Variants in DAB1 observed in about 807,000 individuals in gnomAD.
The protein encoded by DAB1 is DAB adaptor protein 1.
DAB1 carries 15 observed loss-of-function variants against 64.6 expected under a neutral mutation model. The ratio of observed to expected loss-of-function variants is 0.23; its 90% CI spans 0.16 to 0.36. The LOEUF is 0.36. Ranked by LOEUF, DAB1 falls within the 10% of genes least tolerant of loss-of-function variation. DAB1 has a pLI of 1.00. For synonymous variants in DAB1, 235 were observed against 251.9 expected (o/e 0.93, Z 0.64); for missense variants, 596 against 706.7 (o/e 0.84, Z 1.78).
chr1:57,976,202 T>C (rs1203585459), intron 5 of DAB1, among the ~76,000 whole-genome samples: 2 of 152,134 alleles, frequency 1.3e-5, no homozygotes, highest in Non-Finnish European at 2.9e-5. Context: ...ACTCTGAAAG[T>C]TGGGTCAGAA....
intron 2 of DAB1, among the ~76,000 whole-genome samples, chr1:57,253,131 G>A (rs1441084992): frequency 2.6e-5 from 4 of 152,286 alleles, no homozygotes; most frequent in South Asian, 2.1e-4. Context: ...CTTCTGCTTC[G>A]GGATCTGCAT....
chr1:57,384,381 A>G (rs1272083979), intron 1 of DAB1, among the ~76,000 whole-genome samples: 1 of 152,210 alleles, frequency 6.6e-6, no homozygotes, highest in African/African-American at 2.4e-5. Context: ...TAGAATTACC[A>G]TATTATTCAG....
chr1:57,029,524 C>T (rs562069435), intron 9 of DAB1, among the ~76,000 whole-genome samples: 37 of 151,682 alleles, frequency 2.4e-4, no homozygotes, highest in African/African-American at 9.0e-4. Flanking sequence ...TAGCTTGTAC[C>T]ATGAGCCTGG....
At chr1:57,206,534 T>C (rs1027410869) in intron 2 of DAB1, among the ~76,000 whole-genome samples, 39 of 152,254 alleles carry the variant, frequency 2.6e-4, no homozygotes, top group Admixed American at 2.6e-4. Flanking sequence ...GCCTCCTCGC[T>C]GTCTCTTCCC....
rs1011729365 is a variant in DAB1, at chr1:57,135,553, C to T, written c.306+990G>A. On this transcript the variant is annotated intron_variant, in intron 4 of 14. Transcript: ENST00000371236. ...ACCTTTTGGCTACTGAAAGTAATGC[C>T]GTTATGATCAGAGGTGTACAAATAT... Among the ~76,000 whole-genome samples the T allele has an allele frequency of 5.3e-5, 8 of 152,064 alleles. No individual in the cohort carries two copies. The East Asian group carries it at 7.7e-4, about 15-fold the overall frequency.
intron 5 of DAB1, chr1:58,056,313 C>T (rs777153446): frequency 1.4e-5 from 22 of 1,540,880 alleles, no homozygotes; most frequent in East Asian, 1.1e-4. Context: ...CGAAGACGCT[C>T]GCTTCAGAAA....
At chr1:57,445,736 G>A (rs1272237928) in intron 7 of DAB1, among the ~76,000 whole-genome samples, 4 of 152,040 alleles carry the variant, frequency 2.6e-5, no homozygotes, top group East Asian at 1.9e-4. Flanking sequence ...AGCTTATCAG[G>A]CATTATCTCT....
In DAB1 at chr1:57,082,025, T is replaced by C. The variant is rs377673683; in HGVS notation, c.307-9611A>G. ...CCTAGCACTGTTCACCAAAAGGACA[T>C]AGAAGCAATGAAACCCCAGTAGCTA... On this transcript the variant is annotated intron_variant, in intron 4 of 14. Transcript: ENST00000371236. Among the ~76,000 whole-genome samples the C allele has an allele frequency of 2.6e-5, 4 of 152,296 alleles. No individual in the cohort carries two copies. In the South Asian group the frequency reaches 8.3e-4, roughly 32 times the overall value.
In DAB1 at chr1:57,136,630, A is replaced by G; in HGVS notation, c.219T>C (p.Ala73=). The G allele has an allele frequency of 6.5e-7, 1 of 1,529,144 alleles. No individual in the cohort carries two copies. Among genetic ancestry groups the G allele is most frequent in the South Asian group, 1.3e-5 (1 of 79,914 alleles). 94.7% of individuals were successfully genotyped at this position (1,529,144 alleles called of 1,614,324 possible). Residue 73 remains alanine (A), a synonymous_variant, in exon 4 of 15, where the codon GCT becomes GCC. Coordinates refer to ENST00000371236, the MANE Select transcript of DAB1 (RefSeq NM_001365792.1). Reference sequence around the variant, plus strand: ...TGTGTTCTCCTTTGGAACGAGCGCCAGCAACAACGCCCTGTTGAAAGGAAG... The same window carrying G: ...TGTGTTCTCCTTTGGAACGAGCGCCGGCAACAACGCCCTGTTGAAAGGAAG... ...DSMMKLKGVV[A]GARSKGEHKQ...
At chr1:57,924,516 G>A (rs1052155306) in intron 5 of DAB1, among the ~76,000 whole-genome samples, 8 of 152,016 alleles carry the variant, frequency 5.3e-5, no homozygotes, top group African/African-American at 1.9e-4. Context: ...CTGGAGTGCA[G>A]TGGCACAATC....
intron 3 of DAB1, among the ~76,000 whole-genome samples, chr1:57,142,617 CACACACACACACAT>C (rs1222959314): frequency 1.3e-5 from 2 of 150,230 alleles, no homozygotes; most frequent in African/African-American, 2.5e-5. Flanking sequence ...CACACACACA[CACACACACACACAT>C]ACACACACAC....
intron 5 of DAB1, among the ~76,000 whole-genome samples, chr1:58,090,884 T>C (rs1242365994): frequency 6.6e-6 from 1 of 152,178 alleles, no homozygotes; most frequent in Non-Finnish European, 1.5e-5. Flanking sequence ...ACTTGAGCTA[T>C]ATTCTGAAGG....
At chr1:57,370,975 T>A (rs973567713) in intron 1 of DAB1, among the ~76,000 whole-genome samples, 4 of 152,228 alleles carry the variant, frequency 2.6e-5, no homozygotes, top group East Asian at 3.9e-4. Flanking sequence ...TGACTTTTTT[T>A]ATAACTTTAA....
At chr1:57,193,531 C>T (rs515477) in intron 2 of DAB1, among the ~76,000 whole-genome samples, 34,422 of 151,130 alleles carry the variant, frequency 0.23, 4,907 homozygotes, top group Non-Finnish European at 0.32. Context: ...GGACTGCAGG[C>T]GCCCGCCACT....
intron 6 of DAB1, among the ~76,000 whole-genome samples, chr1:57,664,316 G>T (rs1314574013): frequency 3.9e-5 from 6 of 152,098 alleles, no homozygotes. Context: ...GTACATTTAG[G>T]AATAAAGATA....
chr1:57,695,854 G>A (rs1205360500), intron 6 of DAB1, among the ~76,000 whole-genome samples: 2 of 152,024 alleles, frequency 1.3e-5, no homozygotes, highest in Non-Finnish European at 2.9e-5. Context: ...GAGCTGAGAT[G>A]GTGCCACTGC....
intron 7 of DAB1, among the ~76,000 whole-genome samples, chr1:57,649,109 A>G (rs1646226866): frequency 1.3e-5 from 2 of 152,208 alleles, no homozygotes; most frequent in Non-Finnish European, 2.9e-5. Context: ...TAAATCTCCA[A>G]GTCTGTTTTC....
At chr1:57,190,280 A>T (rs1478213576) in intron 2 of DAB1, among the ~76,000 whole-genome samples, 2 of 152,194 alleles carry the variant, frequency 1.3e-5, no homozygotes, top group Non-Finnish European at 2.9e-5. Flanking sequence ...GTTCACAGGA[A>T]AGGCAAGTAG....
intron 2 of DAB1, among the ~76,000 whole-genome samples, chr1:57,261,654 G>A (rs1670189857): frequency 6.6e-6 from 1 of 152,096 alleles, no homozygotes; most frequent in African/African-American, 2.4e-5. Context: ...TCAGTACCTG[G>A]CACATAGTAA....
Sources: allele counts gnomAD v4.1 joint callset (sites outside exome capture counted in the v4.1 genomes callset), GRCh38; gene constraint gnomAD v4.1.1; transcripts MANE v1.5; gene names NCBI Gene and HGNC (gene_info 2026-07-23, HGNC 2026-07-21).